Variants in PITPNC1 observed in about 807,000 individuals in gnomAD.
PITPNC1 encodes the protein phosphatidylinositol transfer protein cytoplasmic 1.
In PITPNC1, 18 loss-of-function variants were observed where a neutral mutation model predicts 44.7. That is an observed-to-expected ratio of 0.40 (90% CI 0.28 to 0.60). The LOEUF (loss-of-function observed/expected upper bound fraction) is 0.60, where lower values mean the gene tolerates loss of function less well. PITPNC1 is among the 20% of genes least tolerant of loss of function. The pLI, the probability that PITPNC1 is intolerant of heterozygous loss-of-function variation, is 0.39. For synonymous variants in PITPNC1, 141 were observed against 149.6 expected (o/e 0.94, Z 0.42); for missense variants, 290 against 418.4 (o/e 0.69, Z 2.68).
At chr17:67,573,566 T>C (rs1185746767) in intron 4 of PITPNC1, among the ~76,000 whole-genome samples, 2 of 146,702 alleles carry the variant, frequency 1.4e-5, no homozygotes, top group Non-Finnish European at 1.5e-5. Context: ...CTTTTTTTTT[T>C]TTTTTTTTTT....
At chr17:67,506,564 A>C (rs914093018) in intron 1 of PITPNC1, among the ~76,000 whole-genome samples, 1 of 152,216 alleles carries the variant, frequency 6.6e-6, no homozygotes. Flanking sequence ...CTGAATGATC[A>C]TGTAAATTCA....
intron 1 of PITPNC1, among the ~76,000 whole-genome samples, chr17:67,512,621 ATT>A (rs1255357940): frequency 6.6e-6 from 1 of 151,278 alleles, no homozygotes; most frequent in African/African-American, 2.4e-5. Context: ...TTTTATTATC[ATT>A]TTTTGTTTAT....
intron 1 of PITPNC1, among the ~76,000 whole-genome samples, chr17:67,396,009 A>G (rs559320849): frequency 3.3e-5 from 5 of 152,202 alleles, no homozygotes; most frequent in African/African-American, 9.7e-5. Flanking sequence ...CCTCTTTTGG[A>G]TTGCGTTTGA....
chr17:67,559,525 C>T (rs1314470542), intron 4 of PITPNC1, among the ~76,000 whole-genome samples: 1 of 152,138 alleles, frequency 6.6e-6, no homozygotes, highest in African/African-American at 2.4e-5. Context: ...AGAAACAGTC[C>T]TCCAGTTGGG....
chr17:67,540,582 CCTTT>C (rs1243855811), intron 2 of PITPNC1, among the ~76,000 whole-genome samples: 2 of 152,032 alleles, frequency 1.3e-5, no homozygotes, highest in Non-Finnish European at 2.9e-5. Flanking sequence ...ATGTCTGTTA[CCTTT>C]CTCTCGATTT....
intron 4 of PITPNC1, among the ~76,000 whole-genome samples, chr17:67,559,895 C>CA (rs963757189): frequency 5.9e-5 from 9 of 151,942 alleles, no homozygotes; most frequent in Non-Finnish European, 1.2e-4. Flanking sequence ...AATAAACAAA[C>CA]AAAAAAACCC....
At chr17:67,506,281 C>T (rs1370894581) in intron 1 of PITPNC1, among the ~76,000 whole-genome samples, 1 of 152,186 alleles carries the variant, frequency 6.6e-6, no homozygotes, top group East Asian at 1.9e-4. Flanking sequence ...AGATTTTACA[C>T]ACATTTTCAG....
intron 5 of PITPNC1, among the ~76,000 whole-genome samples, chr17:67,582,805 G>A (rs1160826826): frequency 6.6e-6 from 1 of 152,202 alleles, no homozygotes; most frequent in Non-Finnish European, 1.5e-5. Context: ...CCAAGGTAAG[G>A]TTCCGTTGTT....
At chr17:67,599,031 TA>T (rs1475515186) in intron 5 of PITPNC1, among the ~76,000 whole-genome samples, 32 of 31,008 alleles carry the variant, frequency 1.0e-3, no homozygotes, top group African/African-American at 4.2e-3. Flanking sequence ...TATATATATA[TA>T]TATTTTTTTT....
At chr17:67,682,708 C>A (rs531710936) in intron 8 of PITPNC1, among the ~76,000 whole-genome samples, 2 of 152,146 alleles carry the variant, frequency 1.3e-5, no homozygotes, top group Non-Finnish European at 2.9e-5. Flanking sequence ...TTGCAATATT[C>A]TCTTAAATTA....
chr17:67,584,977 A>G (rs943841339), intron 5 of PITPNC1, among the ~76,000 whole-genome samples: 2 of 152,136 alleles, frequency 1.3e-5, no homozygotes, highest in Admixed American at 1.3e-4. Flanking sequence ...TTAGCTGGGC[A>G]TGGTGGCGCA....
At chr17:67,535,060 T>C (rs1210827998) in intron 2 of PITPNC1, among the ~76,000 whole-genome samples, 2 of 152,242 alleles carry the variant, frequency 1.3e-5, no homozygotes, top group Non-Finnish European at 2.9e-5. Context: ...ATGAGCTGAT[T>C]AAACTGATGT....
intron 8 of PITPNC1, among the ~76,000 whole-genome samples, chr17:67,678,218 T>A (rs202152772): frequency 0.046 from 6,749 of 146,320 alleles, 191 homozygotes; most frequent in Middle Eastern, 0.1. Flanking sequence ...CTCGTCTCTT[T>A]AAAAAAAAAA....
intron 5 of PITPNC1, among the ~76,000 whole-genome samples, chr17:67,631,611 AGAGT>A (rs1423862135): frequency 1.2e-5 from 1 of 84,820 alleles, no homozygotes; most frequent in Non-Finnish European, 2.4e-5. Context: ...CTTGGGCGAA[AGAGT>A]GAGACTCCGT....
chr17:67,458,239 C>T (rs922911396), intron 1 of PITPNC1, among the ~76,000 whole-genome samples: 2 of 152,194 alleles, frequency 1.3e-5, no homozygotes, highest in African/African-American at 4.8e-5. Context: ...CCCAACATCT[C>T]GTCTCAGCAT....
intron 5 of PITPNC1, among the ~76,000 whole-genome samples, chr17:67,606,056 C>G (rs576281209): frequency 6.6e-5 from 10 of 152,152 alleles, no homozygotes; most frequent in Non-Finnish European, 1.2e-4. Context: ...TGCTCAGAAG[C>G]AGATCCTGGG....
chr17:67,586,263 T>G (rs73335967), intron 5 of PITPNC1, among the ~76,000 whole-genome samples: 12,666 of 152,122 alleles, frequency 0.083, 902 homozygotes, highest in African/African-American at 0.19. Context: ...GTGGAGTTTT[T>G]TAAAATTTTT....
intron 5 of PITPNC1, among the ~76,000 whole-genome samples, chr17:67,579,626 T>C (rs12936158): frequency 0.026 from 2,393 of 91,480 alleles, 55 homozygotes; most frequent in Middle Eastern, 0.048. Flanking sequence ...TTTTTTTTTT[T>C]TTTTTTTTTT....
intron 1 of PITPNC1, among the ~76,000 whole-genome samples, chr17:67,385,273 G>A (rs980063290): frequency 2.9e-4 from 44 of 152,134 alleles, no homozygotes; most frequent in African/African-American, 4.1e-4. Flanking sequence ...GCTAGCTAGC[G>A]GTTTCTAAAA....
Sources: gnomAD v4.1 joint callset for allele counts (sites outside exome capture counted in the v4.1 genomes callset) on GRCh38, gnomAD v4.1.1 for gene constraint, MANE v1.5 for transcripts, NCBI Gene and HGNC (gene_info 2026-07-23, HGNC 2026-07-21) for gene names.